The following PEX5L variants were observed in gnomAD, a reference collection of about 807,000 sequenced individuals.
The protein encoded by PEX5L is PEX5-related protein.
A neutral mutation model predicts 84.0 loss-of-function variants in PEX5L; 30 were observed. That is an observed-to-expected ratio of 0.36 (90% CI 0.27 to 0.48). PEX5L has a LOEUF of 0.48. Ranked by LOEUF, PEX5L falls within the 20% of genes least tolerant of loss-of-function variation. The probability of loss-of-function intolerance (pLI) is 0.99; values close to 1 mark genes in which losing one functional copy is unlikely to be tolerated. For missense variants in PEX5L, 533 were observed against 754.6 expected (o/e 0.71, Z 3.44); for synonymous variants, 270 against 283.1 (o/e 0.95, Z 0.46).
intron 2 of PEX5L, among the ~76,000 whole-genome samples, chr3:179,937,052 C>T (rs1454063287): frequency 6.6e-6 from 1 of 151,968 alleles, no homozygotes; most frequent in African/African-American, 2.4e-5. Flanking sequence ...TCAGTCAATA[C>T]GTTTATTGTG....
intron 7 of PEX5L, among the ~76,000 whole-genome samples, chr3:179,869,386 C>G (rs1406087935): frequency 6.6e-6 from 1 of 152,108 alleles, no homozygotes; most frequent in East Asian, 1.9e-4. Context: ...GGATATATGA[C>G]TTTTAAAAAC....
intron 11 of PEX5L, among the ~76,000 whole-genome samples, chr3:179,811,295 A>AGGGAAAGTGG (rs1723738275): frequency 1.3e-5 from 2 of 151,984 alleles, no homozygotes; most frequent in African/African-American, 4.8e-5. Context: ...GCACTATATT[A>AGGGAAAGTGG]AAGGCACTCA....
chr3:179,856,571 T>C (rs994409969), intron 8 of PEX5L, among the ~76,000 whole-genome samples: 1 of 152,252 alleles, frequency 6.6e-6, no homozygotes. Flanking sequence ...TGTCTTCCGC[T>C]ATGAATTTAG....
intron 2 of PEX5L, among the ~76,000 whole-genome samples, chr3:179,924,680 C>T (rs532930941): frequency 6.6e-6 from 1 of 152,244 alleles, no homozygotes; most frequent in East Asian, 1.9e-4. Context: ...ATATACTTAC[C>T]TGCATTTCCA....
chr3:179,886,618 G>C (rs1755952025), intron 4 of PEX5L, among the ~76,000 whole-genome samples: 1 of 152,104 alleles, frequency 6.6e-6, no homozygotes, highest in African/African-American at 2.4e-5. Context: ...ACATGCCCCT[G>C]GATACAGAGC....
chr3:179,978,322 A>G (rs1579205907), intron 1 of PEX5L, among the ~76,000 whole-genome samples: 1 of 152,208 alleles, frequency 6.6e-6, no homozygotes, highest in African/African-American at 2.4e-5. Context: ...ATGTTCCAAC[A>G]TAAGTATCCA....
intron 8 of PEX5L, among the ~76,000 whole-genome samples, chr3:179,851,505 A>G (rs1741871462): frequency 1.3e-5 from 2 of 152,202 alleles, no homozygotes; most frequent in African/African-American, 4.8e-5. Flanking sequence ...ATACCATAGC[A>G]ATCACCTGTA....
rs530817545 is a variant in PEX5L, at chr3:179,895,569, A to T, written c.198+2573T>A. 15 of 152,276 alleles carry T rather than the reference A, an allele frequency of 9.9e-5. No individual in the cohort carries two copies. In the South Asian group the frequency reaches 3.1e-3, roughly 32 times the overall value. 9.4% of individuals were successfully genotyped at this position (152,276 alleles called of 1,614,324 possible). ...TTTTAAGCAAAAAACAGCAGCTGTC[A>T]GTGGTCCAGCAATTTCTGAGTTCAG... On this transcript the variant is annotated intron_variant, in intron 3 of 14. Coordinates refer to ENST00000467460, the MANE Select transcript of PEX5L (RefSeq NM_016559.3).
Position 179,819,994 on chromosome 3 carries a change from T to C in PEX5L, c.823-18A>G. 6.2e-7 allele frequency: 1 copy of C among 1,613,130 alleles called. No individual in the cohort carries two copies. The highest frequency in any genetic ancestry group is 8.5e-7 in the Non-Finnish European group (1 of 1,179,316). The stretch of plus-strand genomic sequence containing the variant: ...GTATCTGACTGGGAGACAGGAAAAA[T>C]GAATGGAGATGGATTTAAGAACATG... On this transcript the variant is annotated intron_variant, in intron 8 of 14. Transcript: ENST00000467460.
intron 1 of PEX5L, among the ~76,000 whole-genome samples, chr3:179,987,663 C>G (rs376147561): frequency 3.9e-5 from 6 of 152,134 alleles, no homozygotes; most frequent in African/African-American, 1.4e-4. Context: ...CCTCCTACCC[C>G]CAACCTTACA....
chr3:179,855,266 A>G (rs1475150961), intron 8 of PEX5L, among the ~76,000 whole-genome samples: 1 of 152,250 alleles, frequency 6.6e-6, no homozygotes, highest in Non-Finnish European at 1.5e-5. Context: ...TGATATAAAA[A>G]CATAAGGCAG....
intron 1 of PEX5L, among the ~76,000 whole-genome samples, chr3:179,990,216 T>C (rs1426439971): frequency 6.6e-6 from 1 of 152,246 alleles, no homozygotes; most frequent in East Asian, 1.9e-4. Flanking sequence ...ATTCTATGCA[T>C]CTATGCTTAT....
At chr3:180,016,122 A>C (rs975288999) in intron 1 of PEX5L, among the ~76,000 whole-genome samples, 2 of 148,872 alleles carry the variant, frequency 1.3e-5, no homozygotes, top group South Asian at 2.1e-4. Flanking sequence ...ACCACCACCA[A>C]CACTCAATAT....
chr3:179,819,316 G>A (rs1727547770), intron 9 of PEX5L, among the ~76,000 whole-genome samples: 1 of 152,086 alleles, frequency 6.6e-6, no homozygotes, highest in Non-Finnish European at 1.5e-5. Context: ...TTGTGCATTT[G>A]CTGGGGCTCC....
At chr3:179,912,732 T>C (rs1366675604) in intron 2 of PEX5L, among the ~76,000 whole-genome samples, 1 of 152,134 alleles carries the variant, frequency 6.6e-6, no homozygotes, top group Non-Finnish European at 1.5e-5. Context: ...ATATAACCTG[T>C]TCAAGTGCAA....
At chr3:179,906,449 G>A (rs1763244657) in intron 2 of PEX5L, among the ~76,000 whole-genome samples, 1 of 152,034 alleles carries the variant, frequency 6.6e-6, no homozygotes, top group Non-Finnish European at 1.5e-5. Context: ...TATCTAGGGT[G>A]GTCTATCTTA....
chr3:179,935,235 A>T (rs1309427844), intron 2 of PEX5L, among the ~76,000 whole-genome samples: 1 of 152,220 alleles, frequency 6.6e-6, no homozygotes, highest in African/African-American at 2.4e-5. Flanking sequence ...AAAAAGTTTC[A>T]GAATTAAAGT....
rs1490696639 is a variant in PEX5L at position 179,801,559 on chromosome 3, G to A, written c.*269C>T. 5.1e-6 allele frequency: 2 copies of A among 388,406 alleles called. No individual in the cohort carries two copies. Among genetic ancestry groups the A allele is most frequent in the Non-Finnish European group, 9.3e-6 (2 of 214,512 alleles). 24.1% of individuals were successfully genotyped at this position (388,406 alleles called of 1,614,324 possible). ...AATATGCTTGCAACTTGTGGAAAGA[G>A]TATTCAACACACAGTTACTTTATCT... On this transcript the variant is annotated 3_prime_UTR_variant, in exon 15 of 15. Coordinates refer to ENST00000467460, the MANE Select transcript of PEX5L (RefSeq NM_016559.3).
intron 2 of PEX5L, among the ~76,000 whole-genome samples, chr3:179,927,704 A>G (rs891949666): frequency 6.6e-5 from 10 of 152,184 alleles, no homozygotes; most frequent in African/African-American, 1.2e-4. Context: ...GGAATTGGAC[A>G]TTAAAAAAAC....
Sources: allele counts gnomAD v4.1 joint callset (sites outside exome capture counted in the v4.1 genomes callset), GRCh38; gene constraint gnomAD v4.1.1; transcripts MANE v1.5; gene names NCBI Gene and HGNC (gene_info 2026-07-23, HGNC 2026-07-21).